ALG8: variants seen among roughly 807,000 people sequenced by gnomAD.
The protein encoded by ALG8 is dolichyl pyrophosphate Glc1Man9GlcNAc2 alpha-1,3-glucosyltransferase.
Under a neutral mutation model 70.2 loss-of-function variants are expected in ALG8, and 48 were observed. The observed-to-expected ratio is 0.68, with a 90% confidence interval of 0.54 to 0.87. The LOEUF is 0.87. Among genes scored for constraint, ALG8 ranks in the 40% least tolerant of loss-of-function variants. The pLI is 0.00. For synonymous variants in ALG8, 234 were observed against 229.0 expected, an observed-to-expected ratio of 1.02 and a Z score of -0.20; for missense variants, 572 against 608.7, an observed-to-expected ratio of 0.94 and a Z score of 0.64.
In ALG8 at chr11:78,114,049, T is replaced by G. The variant is rs1860443963; in HGVS notation, c.674-60A>C. The G allele has an allele frequency of 8.2e-6, 12 of 1,469,524 alleles. No individual in the cohort carries two copies. The South Asian group carries it at 1.3e-4, about 16-fold the overall frequency. 91.0% of individuals were successfully genotyped at this position (1,469,524 alleles called of 1,614,324 possible). A position where few individuals can be genotyped will look rare whatever the true frequency, so the allele number is the denominator to read the frequency against. ...ATGGAAAGGAACATTAACCATAACCTATATCATGTGCTAAAACTAGAAGTA... is the reference window on the plus strand; with the variant it reads ...ATGGAAAGGAACATTAACCATAACCGATATCATGTGCTAAAACTAGAAGTA... On this transcript the variant is annotated intron_variant, in intron 6 of 12. Transcript: ENST00000299626.
chr11:78,132,816 C>T (rs1323055288), intron 1 of ALG8, among the ~76,000 whole-genome samples: 4 of 134,130 alleles, frequency 3.0e-5, no homozygotes, highest in African/African-American at 1.3e-4. Flanking sequence ...CTGATAGGAT[C>T]CTGTTCTTCT....
At chr11:78,138,818 G>A (rs890950683) in intron 1 of ALG8, 1 of 456,204 alleles carries the variant, frequency 2.2e-6, no homozygotes. Context: ...GAAACCCTGT[G>A]TTATCTGTCC....
At chr11:78,122,679 G>A (rs1268053031) in intron 3 of ALG8, among the ~76,000 whole-genome samples, 1 of 152,070 alleles carries the variant, frequency 6.6e-6, no homozygotes, top group Non-Finnish European at 1.5e-5. Context: ...CTACTTTGCA[G>A]ATGGAAATGA....
chr11:78,118,696 C>T (rs1460115163), intron 5 of ALG8, among the ~76,000 whole-genome samples: 1 of 151,058 alleles, frequency 6.6e-6, no homozygotes, highest in African/African-American at 2.4e-5. Context: ...ATAATTCCAG[C>T]ACTTTGGGAG....
intron 1 of ALG8, among the ~76,000 whole-genome samples, chr11:78,138,363 A>AT (rs1453979446): frequency 1.6e-4 from 25 of 152,014 alleles, no homozygotes; most frequent in Admixed American, 3.3e-4. Flanking sequence ...AAAAAAAAAA[A>AT]AATAACAAAC....
At position 78,119,188 on chromosome 11, in the gene ALG8, T is replaced by C; in HGVS notation, c.540A>G (p.Leu180=). 1 of 1,605,500 alleles carries C rather than the reference T, an allele frequency of 6.2e-7. No individual in the cohort carries two copies. Among genetic ancestry groups the C allele is most frequent in the Non-Finnish European group, 8.5e-7 (1 of 1,172,426 alleles). The change falls in exon 5 of 13, where the codon TTA becomes TTG. Residue 180 remains leucine (L), a synonymous_variant. Transcript: ENST00000299626. ...FGLMLLSIAR[L]FQKRHMEGAF... ...ATTAAACAATTATGTTTACCTGAAATAATCGTGCAATGGAGAGTAGCATTA... is the reference window on the plus strand; with the variant it reads ...ATTAAACAATTATGTTTACCTGAAACAATCGTGCAATGGAGAGTAGCATTA...
At chr11:78,129,347 G>C (rs1861207771) in intron 1 of ALG8, among the ~76,000 whole-genome samples, 2 of 151,380 alleles carry the variant, frequency 1.3e-5, no homozygotes, top group Non-Finnish European at 2.9e-5. Context: ...ATGAACCCAG[G>C]AGGCGGAGCT....
chr11:78,134,099 T>G (rs1271839), intron 1 of ALG8, among the ~76,000 whole-genome samples: 33,095 of 151,734 alleles, frequency 0.22, 4,477 homozygotes, highest in African/African-American at 0.38. Context: ...ATTGATCAGG[T>G]TTATGGGTGC....
rs968711206 is a variant in ALG8 at position 78,119,724 on chromosome 11, C to T, written c.479-475G>A. On this transcript the variant is annotated intron_variant, in intron 4 of 12. Coordinates refer to ENST00000299626, the MANE Select transcript of ALG8 (RefSeq NM_024079.5). The stretch of plus-strand genomic sequence containing the variant: ...GATTACAGGCGTCAGCCACTGCACC[C>T]GGCCTAAACACATATTTTTATTTTT... 1.5e-4 allele frequency among the ~76,000 whole-genome samples: 23 copies of T among 152,292 alleles called. No individual in the cohort carries two copies. In the East Asian group the frequency reaches 2.3e-3, roughly 15 times the overall value.
chr11:78,114,274 T>C lies in ALG8; in HGVS notation c.665A>G (p.Asn222Ser), dbSNP rs665278. Reference protein sequence around the residue: ...YLLRSYCFTANKPDGSIRWKS... With the variant: ...YLLRSYCFTASKPDGSIRWKS... The stretch of plus-strand genomic sequence containing the variant: ...TTATTACCAAAACTTGCCTGGTTTA[T>C]TTGCAGTGAAACAGTAGGATCGCAG... Residue 222 changes from asparagine (N) to serine (S), a missense_variant, in exon 6 of 13, where the codon AAT becomes AGT. Asn to Ser is a conservative substitution (Grantham distance 46). Transcript: ENST00000299626. 0.22 allele frequency: 348,637 copies of C among 1,613,832 alleles called. 39,483 individuals carry two copies. Among genetic ancestry groups the C allele is most frequent in the Middle Eastern group, 0.26 (1,589 of 6,060 alleles).
chr11:78,124,350 C>A, intron 2 of ALG8, 136 bp from the exon 3 acceptor site: 1 of 847,108 alleles, frequency 1.2e-6, no homozygotes, highest in Non-Finnish European at 1.9e-6. Context: ...CACCTGTAAC[C>A]CCAGCACTTT....
intron 1 of ALG8, among the ~76,000 whole-genome samples, chr11:78,137,896 G>A (rs1242638677): frequency 6.6e-6 from 1 of 152,188 alleles, no homozygotes; most frequent in African/African-American, 2.4e-5. Context: ...GTTGCTCAAT[G>A]GAGAGTTACC....
intron 1 of ALG8, among the ~76,000 whole-genome samples, chr11:78,133,093 C>T (rs1861377681): frequency 6.6e-6 from 1 of 152,110 alleles, no homozygotes; most frequent in Admixed American, 6.6e-5. Context: ...CCTCGGCCTC[C>T]CAAAGTGCTG....
At chr11:78,120,738 T>G (rs1035685498) in intron 4 of ALG8, among the ~76,000 whole-genome samples, 1 of 152,226 alleles carries the variant, frequency 6.6e-6, no homozygotes, top group African/African-American at 2.4e-5. Flanking sequence ...CCTTTTCCAA[T>G]TAAAGGTATT....
chr11:78,126,311 A>C (rs1457960724), intron 2 of ALG8, among the ~76,000 whole-genome samples: 1 of 151,816 alleles, frequency 6.6e-6, no homozygotes, highest in African/African-American at 2.4e-5. Flanking sequence ...TGGGTGGATC[A>C]CCTGAGGTCC....
At chr11:78,117,247 C>G (rs937107327) in intron 5 of ALG8, among the ~76,000 whole-genome samples, 2 of 152,076 alleles carry the variant, frequency 1.3e-5, no homozygotes, top group African/African-American at 2.4e-5. Context: ...GGTTCTCAAG[C>G]CTGATGGTGT....
In ALG8 at chr11:78,113,861, GA is replaced by G. The variant is rs111652232; in HGVS notation, c.777+24del. On this transcript the variant is annotated intron_variant, in intron 7 of 12. Transcript: ENST00000299626. ...CACCAACAAAGAACATGTATTAATTGAAAAAAAAAAAAAAAAAGGCTTACCA... is the reference window on the plus strand; with the variant it reads ...CACCAACAAAGAACATGTATTAATTGAAAAAAAAAAAAAAAAGGCTTACCA... 0.22 allele frequency: 252,232 copies of G among 1,162,350 alleles called. 1 individual carries two copies. The highest frequency in any genetic ancestry group is 0.24 in the Middle Eastern group (1,141 of 4,746). The allele number at this position is 1,162,350 out of a possible 1,614,324, so 72.0% of individuals were successfully genotyped here. A position where few individuals can be genotyped will look rare whatever the true frequency, so the allele number is the denominator to read the frequency against.
At chr11:78,121,781 T>G (rs911294041) in intron 3 of ALG8, among the ~76,000 whole-genome samples, 2 of 152,170 alleles carry the variant, frequency 1.3e-5, no homozygotes, top group African/African-American at 2.4e-5. Flanking sequence ...CACTCTAAAT[T>G]ATATATCATA....
intron 11 of ALG8, 119 bp downstream of exon 11, chr11:78,104,237 G>T: frequency 9.5e-7 from 1 of 1,049,994 alleles, no homozygotes; most frequent in Non-Finnish European, 1.4e-6. Flanking sequence ...TTATTTAAGA[G>T]GATGAATGAT....
Sources: allele counts gnomAD v4.1 joint callset (sites outside exome capture counted in the v4.1 genomes callset), GRCh38; gene constraint gnomAD v4.1.1; transcripts MANE v1.5; gene names NCBI Gene and HGNC (gene_info 2026-07-23, HGNC 2026-07-21).